Variants in DNAH9 observed in about 807,000 individuals in gnomAD.
DNAH9 encodes the protein dynein axonemal heavy chain 9, also known as DNAH9 variant protein.
Under a neutral mutation model 471.6 loss-of-function variants are expected in DNAH9, and 345 were observed. That is an observed-to-expected ratio of 0.73 (90% CI 0.67 to 0.80). The LOEUF (loss-of-function observed/expected upper bound fraction) is 0.80, where lower values mean the gene tolerates loss of function less well. Ranked by LOEUF, DNAH9 falls within the 30% of genes least tolerant of loss-of-function variation. The pLI is 0.00. For synonymous variants in DNAH9, 2,093 were observed against 2,123.6 expected (o/e 0.99, Z 0.40); for missense variants, 5,407 against 5,609.2 (o/e 0.96, Z 1.15).
At chr17:11,779,349 A>G (rs1005341658) in intron 38 of DNAH9, among the ~76,000 whole-genome samples, 2 of 152,124 alleles carry the variant, frequency 1.3e-5, no homozygotes, top group African/African-American at 2.4e-5. Flanking sequence ...TTCTCCTCCA[A>G]TTCTACTTGG....
intron 67 of DNAH9, among the ~76,000 whole-genome samples, chr17:11,953,046 G>C (rs888738441): frequency 3.3e-5 from 5 of 152,092 alleles, no homozygotes; most frequent in Admixed American, 6.6e-5. Context: ...CTTCTTATAA[G>C]GCGAAAGTCC....
At position 11,929,952 on chromosome 17, in the gene DNAH9, C is replaced by G; in HGVS notation, c.11964C>G (p.Val3988=). Residue 3988 remains valine (V), a synonymous_variant, in exon 63 of 69, where the codon GTC becomes GTG. Transcript: ENST00000262442. ...AGAACAGCCACCCAGAGTTCAGGGT[C>G]TTCATGAGTGCAGAGCCAGCACCCT... ...HSENSHPEFR[V]FMSAEPAPSP... The G allele has an allele frequency of 6.2e-7, 1 of 1,614,054 alleles. No individual in the cohort carries two copies.
chr17:11,767,390 C>T (rs1184065248), intron 36 of DNAH9, among the ~76,000 whole-genome samples: 2 of 152,168 alleles, frequency 1.3e-5, no homozygotes, highest in East Asian at 1.9e-4. Context: ...ATGAGAACAT[C>T]AAACAAATCT....
chr17:11,648,694 A>G (rs1355871261), intron 12 of DNAH9, among the ~76,000 whole-genome samples: 1 of 152,014 alleles, frequency 6.6e-6, no homozygotes, highest in Non-Finnish European at 1.5e-5. Flanking sequence ...AAGAAGAAAA[A>G]GGGGGGTAGG....
At chr17:11,649,146 T>C (rs1286149001) in intron 12 of DNAH9, among the ~76,000 whole-genome samples, 1 of 150,334 alleles carries the variant, frequency 6.7e-6, no homozygotes, top group Admixed American at 6.6e-5. Flanking sequence ...AAAAAAAGAA[T>C]GAACAGTAAC....
At chr17:11,841,289 G>T (rs1381444336) in intron 49 of DNAH9, among the ~76,000 whole-genome samples, 3 of 152,192 alleles carry the variant, frequency 2.0e-5, no homozygotes, top group African/African-American at 7.2e-5. Flanking sequence ...AGAACACAGA[G>T]CCACGAGAAA....
intron 14 of DNAH9, among the ~76,000 whole-genome samples, chr17:11,654,655 T>C (rs2073599377): frequency 6.6e-6 from 1 of 152,078 alleles, no homozygotes; most frequent in South Asian, 2.1e-4. Context: ...GACACTTTAA[T>C]AATAATTCTT....
In DNAH9 at chr17:11,766,894, G is replaced by A. The variant is rs12952095; in HGVS notation, c.7171-1559G>A. Reference sequence around the variant, plus strand: ...CTGAGGCAGAGAACAGCTTGGACCCGGGAGGCAGAGGTTGCCGTGAGCTGA... The same window carrying A: ...CTGAGGCAGAGAACAGCTTGGACCCAGGAGGCAGAGGTTGCCGTGAGCTGA... On this transcript the variant is annotated intron_variant, in intron 36 of 68. Coordinates refer to ENST00000262442, the MANE Select transcript of DNAH9 (RefSeq NM_001372.4). 5.4e-3 allele frequency among the ~76,000 whole-genome samples: 817 copies of A among 152,010 alleles called. 2 individuals carry two copies. The highest frequency in any genetic ancestry group is 0.014 in the Middle Eastern group (4 of 294).
intron 48 of DNAH9, among the ~76,000 whole-genome samples, chr17:11,823,717 G>T (rs1220522577): frequency 6.6e-6 from 1 of 152,060 alleles, no homozygotes; most frequent in East Asian, 1.9e-4. Flanking sequence ...GGATCACGAG[G>T]TCAGGAGATC....
chr17:11,603,254 A>C (rs1294825933), intron 1 of DNAH9, among the ~76,000 whole-genome samples: 1 of 151,950 alleles, frequency 6.6e-6, no homozygotes, highest in Non-Finnish European at 1.5e-5. Flanking sequence ...TTCCAACTAT[A>C]TTTTCTTGCT....
intron 3 of DNAH9, among the ~76,000 whole-genome samples, chr17:11,611,098 T>TC (rs1337655759): frequency 6.6e-6 from 1 of 151,996 alleles, no homozygotes; most frequent in African/African-American, 2.4e-5. Flanking sequence ...CCTCCCCATT[T>TC]CCTCACTCCA....
At chr17:11,718,293 A>C (rs1391790334) in intron 26 of DNAH9, among the ~76,000 whole-genome samples, 1 of 152,102 alleles carries the variant, frequency 6.6e-6, no homozygotes, top group East Asian at 1.9e-4. Flanking sequence ...AGAGTATTAC[A>C]CTCTACGAAT....
At chr17:11,822,151 TG>T (rs1465546054) in intron 46 of DNAH9, 89 bp downstream of exon 46, 4 of 1,468,110 alleles carry the variant, frequency 2.7e-6, no homozygotes, top group Middle Eastern at 2.1e-4. Flanking sequence ...CTGTCCTTAT[TG>T]ATTGTCTAGA....
intron 32 of DNAH9, among the ~76,000 whole-genome samples, chr17:11,750,685 A>G (rs1043202264): frequency 2.0e-5 from 3 of 152,194 alleles, no homozygotes; most frequent in African/African-American, 4.8e-5. Context: ...TCCTGTATCA[A>G]AAAGGAAATT....
chr17:11,634,651 A>G (rs1392332209), intron 8 of DNAH9, among the ~76,000 whole-genome samples: 1 of 152,198 alleles, frequency 6.6e-6, no homozygotes, highest in African/African-American at 2.4e-5. Flanking sequence ...TGTGAAAGAA[A>G]GTGTGACCCT....
At chr17:11,750,027 AAATTTT>A (rs756971059) in intron 32 of DNAH9, among the ~76,000 whole-genome samples, 4 of 152,200 alleles carry the variant, frequency 2.6e-5, no homozygotes, top group Non-Finnish European at 5.9e-5. Flanking sequence ...ATTCTAGTTA[AAATTTT>A]ATTAGATTTA....
chr17:11,769,135 A>G lies in DNAH9; in HGVS notation c.7358A>G (p.His2453Arg). Reference protein sequence around the residue: ...PEMPLQACLVHTSETIRVCYF... With the variant: ...PEMPLQACLVRTSETIRVCYF... ...CTCCCATTCCAGGCGTGTTTGGTGC[A>G]CACGAGTGAGACCATCCGTGTGTGC... Residue 2453 changes from histidine (H) to arginine (R), a missense_variant, in exon 38 of 69, where the codon CAC (histidine) becomes CGC (arginine). By Grantham distance (29) the His-to-Arg change is conservative. Transcript: ENST00000262442. 3 of 1,614,198 alleles carry G rather than the reference A, an allele frequency of 1.9e-6. No homozygotes were observed. Among genetic ancestry groups the G allele is most frequent in the Non-Finnish European group, 2.5e-6 (3 of 1,180,018 alleles).
chr17:11,603,366 C>T (rs1360644222), intron 1 of DNAH9, among the ~76,000 whole-genome samples: 2 of 152,220 alleles, frequency 1.3e-5, no homozygotes, highest in Non-Finnish European at 2.9e-5. Context: ...CTGAGACGCT[C>T]TTGCTTCTTT....
chr17:11,844,211 A>G (rs896394854), intron 49 of DNAH9, among the ~76,000 whole-genome samples: 2 of 152,078 alleles, frequency 1.3e-5, no homozygotes, highest in African/African-American at 2.4e-5. Flanking sequence ...GGACTGTTAA[A>G]TGTGACTTCT....
Sources: allele counts gnomAD v4.1 joint callset (sites outside exome capture counted in the v4.1 genomes callset), GRCh38; gene constraint gnomAD v4.1.1; transcripts MANE v1.5; gene names NCBI Gene and HGNC (gene_info 2026-07-23, HGNC 2026-07-21).